TBX1: variants seen among roughly 807,000 people sequenced by gnomAD.
TBX1 encodes the protein T-box transcription factor TBX1.
A neutral mutation model predicts 40.8 loss-of-function variants in TBX1; 16 were observed. The ratio of observed to expected loss-of-function variants is 0.39; its 90% CI spans 0.27 to 0.60. The LOEUF is 0.60. TBX1 is among the 20% of genes least tolerant of loss of function. The probability of loss-of-function intolerance (pLI) is 0.51; values close to 1 mark genes in which losing one functional copy is unlikely to be tolerated. For missense variants in TBX1, 755 were observed against 728.5 expected, an observed-to-expected ratio of 1.04 and a Z score of -0.42; for synonymous variants, 403 against 336.8, an observed-to-expected ratio of 1.20 and a Z score of -2.15.
At chr22:19,759,669 A>T, upstream of TBX1, 1 of 1,612,522 alleles carries the variant, frequency 6.2e-7, no homozygotes, top group African/African-American at 1.3e-5. Context: ...GTCACCAGGG[A>T]CATGGAAGGT....
downstream of TBX1, among the ~76,000 whole-genome samples, chr22:19,772,199 T>G (rs1453688337): frequency 6.6e-6 from 1 of 150,864 alleles, no homozygotes; most frequent in African/African-American, 2.5e-5. Flanking sequence ...GCCTCCTGGG[T>G]TCAAGCGATT....
chr22:19,763,882 C>A (rs568414574), intron 2 of TBX1, among the ~76,000 whole-genome samples: 1 of 152,294 alleles, frequency 6.6e-6, no homozygotes, highest in East Asian at 1.9e-4. Flanking sequence ...GGACCCGCAT[C>A]CAGCGAAATG....
intron 8 of TBX1, among the ~76,000 whole-genome samples, chr22:19,772,791 G>A (rs1345194252): frequency 3.3e-5 from 5 of 152,224 alleles, no homozygotes; most frequent in Non-Finnish European, 7.3e-5. Context: ...AGTTGCTCAT[G>A]GCTGTGGTTT....
downstream of TBX1, chr22:19,783,535 G>A: frequency 5.2e-6 from 1 of 190,496 alleles, no homozygotes; most frequent in South Asian, 1.0e-4. Flanking sequence ...GGGTGACAGA[G>A]TGAGACCCCC....
downstream of TBX1, among the ~76,000 whole-genome samples, chr22:19,768,953 C>CTTATTTTTTTTTTTTTTTTT (rs1936939445): frequency 1.5e-5 from 1 of 66,108 alleles, no homozygotes; most frequent in Non-Finnish European, 3.0e-5. Context: ...TGTTCGCATT[C>CTTATTTTTTTTTTTTTTTTT]TTTTTTTTTT....
chr22:19,766,534 G>T lies in TBX1; in HGVS notation c.1182G>T (p.Leu394=), dbSNP rs950249836. 7.4e-7 allele frequency: 1 copy of T among 1,344,340 alleles called. No homozygotes were observed. The highest frequency in any genetic ancestry group is 3.2e-5 in the East Asian group (1 of 31,240). The allele number at this position is 1,344,340 out of a possible 1,614,324, so 83.3% of individuals were successfully genotyped here. ...GAGGAGGLVP[L]PGAPGGRPSP... is the part of the protein sequence containing the mutation. ...GCGGCGCCGGCGGCTTAGTCCCGCT[G>T]CCCGGCGCGCCCGGAGGCCGGCCCA... Residue 394 remains leucine (L), a synonymous_variant, in exon 7 of 7, where the codon CTG becomes CTT. Coordinates refer to ENST00000649276, the MANE Select transcript of TBX1 (RefSeq NM_001379200.1).
intron 1 of TBX1, among the ~76,000 whole-genome samples, chr22:19,761,924 G>A (rs1033927776): frequency 6.6e-6 from 1 of 152,182 alleles, no homozygotes; most frequent in East Asian, 1.9e-4. Context: ...AAGACCAAGA[G>A]ACAAGGGGAA....
intron 8 of TBX1, among the ~76,000 whole-genome samples, chr22:19,772,598 G>A (rs1215226772): frequency 6.6e-6 from 1 of 152,166 alleles, no homozygotes; most frequent in East Asian, 1.9e-4. Flanking sequence ...TTACAAGCGT[G>A]AGCCACCGTG....
chr22:19,766,783 CGCTGCCGCA>C lies in TBX1; in HGVS notation c.1440_1448del (p.Ala483_Ala485del), dbSNP rs748434309. ...GTCCAGCCGCCGCGGCCGCCGCCGC[CGCTGCCGCA>C]GCTGCCGCGGCCGCCAACATGTACT... On this transcript the variant is annotated inframe_deletion, in exon 7 of 7. Coordinates refer to ENST00000649276, the MANE Select transcript of TBX1 (RefSeq NM_001379200.1). 1.8e-5 allele frequency: 27 copies of C among 1,490,258 alleles called. No homozygotes were observed. In the East Asian group the frequency reaches 3.0e-4, roughly 16 times the overall value. 92.3% of individuals were successfully genotyped at this position (1,490,258 alleles called of 1,614,324 possible). A position where few individuals can be genotyped will look rare whatever the true frequency, so the allele number is the denominator to read the frequency against.
chr22:19,767,401 C>G (rs1936901872), downstream of TBX1: 1 of 986,124 alleles, frequency 1.0e-6, no homozygotes, highest in African/African-American at 1.7e-5. Context: ...ACAGCGAGCC[C>G]GGGGTAGCTC....
At chr22:19,763,727 TG>T in intron 2 of TBX1, 1 of 394,416 alleles carries the variant, frequency 2.5e-6, no homozygotes, top group Non-Finnish European at 4.7e-6. Context: ...GCCGGAAAGG[TG>T]GGGTGGCCAG....
rs41298004 is a variant in TBX1, at chr22:19,778,972, C to T, written c.1010-248C>T. On this transcript the variant is annotated intron_variant, in intron 8 of 8. Transcript: ENST00000329705. ...GGGGAGATCTGGTTCCCTGATCCGACGTCTTTCCTTGGGGTCACTGACTGT... is the reference window on the plus strand; with the variant it reads ...GGGGAGATCTGGTTCCCTGATCCGATGTCTTTCCTTGGGGTCACTGACTGT... 1.8e-3 allele frequency among the ~76,000 whole-genome samples: 278 copies of T among 152,250 alleles called. 11 individuals are homozygous for T. The East Asian group carries it at 0.049, about 27-fold the overall frequency.
downstream of TBX1, chr22:19,783,493 T>C: frequency 3.9e-6 from 1 of 259,626 alleles, no homozygotes; most frequent in South Asian, 4.4e-5. Flanking sequence ...GAGGCTGCAG[T>C]AAGCTATGAT....
intron 2 of TBX1, 150 bp downstream of exon 2, chr22:19,763,492 C>T (rs767271716): frequency 4.3e-6 from 3 of 694,736 alleles, no homozygotes; most frequent in African/African-American, 3.5e-5. Context: ...CCCTCCTCCA[C>T]TCCCATCTGA....
intron 1 of TBX1, 95 bp from the exon 2 acceptor site, chr22:19,763,146 A>G (rs1164326267): frequency 9.5e-6 from 9 of 950,182 alleles, no homozygotes; most frequent in Non-Finnish European, 1.4e-5. Context: ...CAGAGGCTGG[A>G]GGGAGGGGCC....
chr22:19,780,793 T>G (rs1937134845), downstream of TBX1, among the ~76,000 whole-genome samples: 1 of 146,572 alleles, frequency 6.8e-6, no homozygotes, highest in Admixed American at 6.8e-5. Flanking sequence ...TTTTTGTTTT[T>G]TTTTTTTGAG....
chr22:19,776,618 C>T (rs937058920), intron 8 of TBX1, among the ~76,000 whole-genome samples: 66 of 152,278 alleles, frequency 4.3e-4, no homozygotes, highest in African/African-American at 1.4e-3. Context: ...AGGGCAGCCA[C>T]TGGGCCTGAA....
At chr22:19,763,789 A>C in intron 2 of TBX1, 1 of 421,984 alleles carries the variant, frequency 2.4e-6, no homozygotes, top group Non-Finnish European at 4.3e-6. Context: ...AACAGCAATT[A>C]ATAAAGAGAA....
In TBX1 at chr22:19,765,005, C is replaced by T. The variant is rs1936783989; in HGVS notation, c.759C>T (p.Val253=). The T allele has an allele frequency of 6.2e-7, 1 of 1,614,204 alleles. No individual in the cohort carries two copies. Among genetic ancestry groups the T allele is most frequent in the Non-Finnish European group, 8.5e-7 (1 of 1,180,022 alleles). ...MHRYQPRFHV[V]YVDPRKDSEK... Reference sequence around the variant, plus strand: ...GATACCAGCCCCGCTTCCACGTGGTCTATGTGGACCCACGCAAAGATAGCG... The same window carrying T: ...GATACCAGCCCCGCTTCCACGTGGTTTATGTGGACCCACGCAAAGATAGCG... The change falls in exon 4 of 7, where the codon GTC becomes GTT. Residue 253 remains valine, a synonymous_variant. Coordinates refer to ENST00000649276, the MANE Select transcript of TBX1 (RefSeq NM_001379200.1).
Sources: allele counts gnomAD v4.1 joint callset (sites outside exome capture counted in the v4.1 genomes callset), GRCh38; gene constraint gnomAD v4.1.1; transcripts MANE v1.5; gene names NCBI Gene and HGNC (gene_info 2026-07-23, HGNC 2026-07-21).